Variants in FSTL4 observed in about 807,000 individuals in gnomAD.
The protein encoded by FSTL4 is follistatin-related protein 4.
Under a neutral mutation model 78.2 loss-of-function variants are expected in FSTL4, and 28 were observed. The observed-to-expected ratio is 0.36, with a 90% CI of 0.27 to 0.49. The LOEUF (loss-of-function observed/expected upper bound fraction) is 0.49, where lower values mean the gene tolerates loss of function less well. Ranked by LOEUF, FSTL4 falls within the 20% of genes least tolerant of loss-of-function variation. FSTL4 has a pLI of 0.98. For missense variants in FSTL4, 922 were observed against 1,084.9 expected (o/e 0.85, Z 2.11); for synonymous variants, 422 against 440.5 (o/e 0.96, Z 0.53).
intron 6 of FSTL4, among the ~76,000 whole-genome samples, chr5:133,293,846 G>A (rs2126871090): frequency 6.6e-6 from 1 of 152,334 alleles, no homozygotes; most frequent in East Asian, 1.9e-4. Flanking sequence ...AAGCCCCTGA[G>A]ATTTGGGGGT....
intron 3 of FSTL4, among the ~76,000 whole-genome samples, chr5:133,554,268 G>A (rs1464772727): frequency 6.6e-6 from 1 of 152,318 alleles, no homozygotes; most frequent in Non-Finnish European, 1.5e-5. Flanking sequence ...GGGGAGATGG[G>A]GGGGAGGTGC....
At chr5:133,336,190 C>T (rs1251880233) in intron 4 of FSTL4, among the ~76,000 whole-genome samples, 1 of 152,226 alleles carries the variant, frequency 6.6e-6, no homozygotes, top group African/African-American at 2.4e-5. Context: ...TGACCCTTGC[C>T]GCATCCTCCC....
At chr5:133,800,120 A>C in the FSTL4 span, among the ~76,000 whole-genome samples, 1 of 139,032 alleles carries the variant, frequency 7.2e-6, no homozygotes, top group Non-Finnish European at 1.6e-5. Context: ...TCAGGTAGCT[A>C]TCAGAGTCCA....
chr5:133,484,411 C>T (rs776769178), intron 3 of FSTL4, among the ~76,000 whole-genome samples: 26 of 152,106 alleles, frequency 1.7e-4, no homozygotes, highest in Non-Finnish European at 1.2e-4. Flanking sequence ...TAAGAAATCT[C>T]GGTTTTCTTC....
At chr5:133,407,405 G>A (rs920967849) in intron 3 of FSTL4, among the ~76,000 whole-genome samples, 5 of 152,248 alleles carry the variant, frequency 3.3e-5, no homozygotes, top group Non-Finnish European at 7.3e-5. Context: ...CTCAACCGGT[G>A]AGCACAGCCT....
chr5:133,630,976 C>T, the FSTL4 span, among the ~76,000 whole-genome samples: 4 of 152,186 alleles, frequency 2.6e-5, no homozygotes, highest in Non-Finnish European at 5.9e-5. Context: ...CCCTTCCTTA[C>T]ACCTTATACA....
intron 4 of FSTL4, among the ~76,000 whole-genome samples, chr5:133,350,759 G>A (rs1754804305): frequency 6.6e-6 from 1 of 152,138 alleles, no homozygotes; most frequent in Admixed American, 6.5e-5. Flanking sequence ...GTGGCCCTGG[G>A]CTCCATGGTC....
At chr5:133,235,879 A>T (rs1167208302) in intron 7 of FSTL4, among the ~76,000 whole-genome samples, 1 of 152,158 alleles carries the variant, frequency 6.6e-6, no homozygotes. Flanking sequence ...GGACCGACAT[A>T]TTTCTAGTCT....
At chr5:133,580,087 G>C (rs1025599580) in intron 2 of FSTL4, among the ~76,000 whole-genome samples, 5 of 152,158 alleles carry the variant, frequency 3.3e-5, no homozygotes, top group Non-Finnish European at 7.3e-5. Context: ...CTTAATCCAA[G>C]ACTTCCAACC....
chr5:133,759,718 G>T, the FSTL4 span, among the ~76,000 whole-genome samples: 1 of 152,174 alleles, frequency 6.6e-6, no homozygotes, highest in Non-Finnish European at 1.5e-5. Flanking sequence ...TATTCATGCC[G>T]TGGGATATTT....
the FSTL4 span, among the ~76,000 whole-genome samples, chr5:133,809,598 C>T: frequency 6.8e-6 from 1 of 146,752 alleles, no homozygotes; most frequent in Non-Finnish European, 1.5e-5. Flanking sequence ...GTCAGGATAG[C>T]ACCAAAAATG....
At chr5:133,401,369 G>C (rs25738) in intron 3 of FSTL4, among the ~76,000 whole-genome samples, 1 of 152,176 alleles carries the variant, frequency 6.6e-6, no homozygotes, top group African/African-American at 2.4e-5. Flanking sequence ...GAAGCACCTT[G>C]CACAGAAGGA....
At chr5:133,729,436 A>C in the FSTL4 span, among the ~76,000 whole-genome samples, 1 of 152,194 alleles carries the variant, frequency 6.6e-6, no homozygotes, top group African/African-American at 2.4e-5. Flanking sequence ...GGGAGGGTTA[A>C]ATAAATAATG....
At chr5:133,370,421 C>T (rs1335986816) in intron 4 of FSTL4, among the ~76,000 whole-genome samples, 1 of 151,912 alleles carries the variant, frequency 6.6e-6, no homozygotes, top group African/African-American at 2.4e-5. Flanking sequence ...TGGGAGAGTC[C>T]TAATTTTTTT....
the FSTL4 span, among the ~76,000 whole-genome samples, chr5:133,800,729 C>G: frequency 1.1e-5 from 1 of 91,850 alleles, no homozygotes; most frequent in South Asian, 3.2e-4. Context: ...CCAATTTACT[C>G]GAATGCTTCA....
At chr5:133,569,654 C>T (rs189931270) in intron 2 of FSTL4, among the ~76,000 whole-genome samples, 20 of 152,200 alleles carry the variant, frequency 1.3e-4, no homozygotes, top group African/African-American at 4.8e-4. Flanking sequence ...TTATCAAGTA[C>T]TTTTCTCTGG....
the FSTL4 span, among the ~76,000 whole-genome samples, chr5:133,681,443 GC>G: frequency 6.6e-6 from 1 of 152,216 alleles, no homozygotes; most frequent in Non-Finnish European, 1.5e-5. Context: ...GGACTTGGCT[GC>G]GGCCCCCATG....
rs189879930 is a variant in FSTL4, at chr5:133,230,574, T to C, written c.1015+2843A>G. ...GATGCACCCTCTGCTGGTCTTGAGG[T>C]TTTTTTGAGCCAAAGCGGGTAAGAT... is the stretch of plus-strand genomic sequence containing the variant. On this transcript the variant is annotated intron_variant, in intron 8 of 15. Coordinates refer to ENST00000265342, the MANE Select transcript of FSTL4 (RefSeq NM_015082.2). Among the ~76,000 whole-genome samples, 5 of 152,190 alleles carry C rather than the reference T, an allele frequency of 3.3e-5. No individual in the cohort carries two copies. The East Asian group carries it at 9.7e-4, about 29-fold the overall frequency.
chr5:133,263,341 A>G (rs1752573714), intron 6 of FSTL4, among the ~76,000 whole-genome samples: 1 of 152,160 alleles, frequency 6.6e-6, no homozygotes, highest in Non-Finnish European at 1.5e-5. Context: ...GGATCACATG[A>G]GATCCCTGGG....
Sources: gnomAD v4.1 joint callset for allele counts (sites outside exome capture counted in the v4.1 genomes callset) on GRCh38, gnomAD v4.1.1 for gene constraint, MANE v1.5 for transcripts, NCBI Gene and HGNC (gene_info 2026-07-23, HGNC 2026-07-21) for gene names.